Variants in NT5C2 observed in about 807,000 individuals in gnomAD.
NT5C2 encodes the protein 5'-nucleotidase, cytosolic II.
A neutral mutation model predicts 76.1 loss-of-function variants in NT5C2; 58 were observed. The ratio of observed to expected loss-of-function variants is 0.76; its 90% CI spans 0.62 to 0.95. NT5C2 has a LOEUF of 0.95. Among genes scored for constraint, NT5C2 ranks in the 40% least tolerant of loss-of-function variants. The probability of loss-of-function intolerance (pLI) is 0.00; values close to 1 mark genes in which losing one functional copy is unlikely to be tolerated. For missense variants in NT5C2, 478 were observed against 690.3 expected, an observed-to-expected ratio of 0.69 and a Z score of 3.45; for synonymous variants, 229 against 237.4, an observed-to-expected ratio of 0.96 and a Z score of 0.32.
intron 4 of NT5C2, among the ~76,000 whole-genome samples, chr10:103,130,053 G>A (rs1317726026): frequency 6.6e-6 from 1 of 151,862 alleles, no homozygotes; most frequent in Non-Finnish European, 1.5e-5. Flanking sequence ...TCTGGGAGGT[G>A]TGCCCAACAG....
At chr10:103,165,209 C>A (rs956149669) in intron 3 of NT5C2, among the ~76,000 whole-genome samples, 1 of 152,160 alleles carries the variant, frequency 6.6e-6, no homozygotes, top group African/African-American at 2.4e-5. Flanking sequence ...ATCCACCTGC[C>A]TCAGCCAGGC....
rs1008694564 is a variant in NT5C2, at chr10:103,188,980, C to A, written c.-169+4256G>T. Among the ~76,000 whole-genome samples the A allele has an allele frequency of 1.1e-4, 16 of 149,964 alleles. 1 individual carries two copies. The Admixed American group carries it at 1.1e-3, about 10-fold the overall frequency. On this transcript the variant is annotated intron_variant, in intron 1 of 18. Coordinates refer to ENST00000404739, the MANE Select transcript of NT5C2 (RefSeq NM_001351169.2). ...TGAGCTGAGATCGAGCCAGCCTGGG[C>A]AACAAAGTGAGACTCCGTCTCGGAA...
At chr10:103,129,073 G>T (rs1309998584) in intron 4 of NT5C2, among the ~76,000 whole-genome samples, 3 of 128,372 alleles carry the variant, frequency 2.3e-5, no homozygotes, top group African/African-American at 8.7e-5. Context: ...CGGGAGGGAG[G>T]TGGGGGGGTC....
intron 13 of NT5C2, 79 bp from the exon 14 acceptor site, chr10:103,094,117 AC>A: frequency 2.5e-5 from 14 of 569,730 alleles, no homozygotes; most frequent in Non-Finnish European, 3.0e-5. Flanking sequence ...CTCCCATCCC[AC>A]CCCCCACCAC....
intron 1 of NT5C2, among the ~76,000 whole-genome samples, chr10:103,185,301 TATA>T (rs2091864915): frequency 6.6e-6 from 1 of 151,698 alleles, no homozygotes; most frequent in African/African-American, 2.4e-5. Flanking sequence ...TCAGACGATA[TATA>T]ATACTTTGCA....
intron 4 of NT5C2, among the ~76,000 whole-genome samples, chr10:103,114,983 T>C (rs1478920585): frequency 6.6e-6 from 1 of 152,254 alleles, no homozygotes; most frequent in African/African-American, 2.4e-5. Flanking sequence ...ATTTGTCCTT[T>C]CCTCATTGGC....
chr10:103,170,723 C>T (rs1260322346), intron 3 of NT5C2, among the ~76,000 whole-genome samples: 1 of 151,464 alleles, frequency 6.6e-6, no homozygotes, highest in Non-Finnish European at 1.5e-5. Context: ...GACAGGGTTT[C>T]GCCATCTTGC....
intron 2 of NT5C2, chr10:103,175,777 GC>G (rs1364144587): frequency 7.9e-6 from 2 of 253,554 alleles, no homozygotes; most frequent in Admixed American, 4.2e-5. Context: ...GGGTGCTGAG[GC>G]CAAGGGGGCA....
At chr10:103,091,528 G>T in intron 16 of NT5C2, 36 bp downstream of exon 16, 1 of 1,511,180 alleles carries the variant, frequency 6.6e-7, no homozygotes, top group Non-Finnish European at 9.2e-7. Flanking sequence ...TGATTCCTGA[G>T]TAAGTTTTTG....
At chr10:103,099,673 A>AC (rs1452231460) in intron 9 of NT5C2, among the ~76,000 whole-genome samples, 1 of 152,152 alleles carries the variant, frequency 6.6e-6, no homozygotes, top group Non-Finnish European at 1.5e-5. Flanking sequence ...ATACACTAAA[A>AC]CCTCTTCTAA....
chr10:103,091,578 C>G lies in NT5C2; in HGVS notation c.1197G>C (p.Leu399Phe). 6.2e-7 allele frequency: 1 copy of G among 1,613,162 alleles called. No homozygotes were observed. Among genetic ancestry groups the G allele is most frequent in the Non-Finnish European group, 8.5e-7 (1 of 1,179,352 alleles). The change falls in exon 16 of 19, where the codon TTG becomes TTC. Residue 399 changes from leucine (L) to phenylalanine (F), a missense_variant. Leu to Phe is a conservative substitution (Grantham distance 22, BLOSUM62 0). Coordinates refer to ENST00000404739, the MANE Select transcript of NT5C2 (RefSeq NM_001351169.2). The stretch of plus-strand genomic sequence containing the variant: ...AGAAAACTTACTTGTAGAGTTCAGC[C>G]AAGAAAATATCCAAGCTCTGAAGTT... ...FEELQSLDIF[L>F]AELYKHLDSS...
At chr10:103,129,762 A>G (rs1306568132) in intron 4 of NT5C2, among the ~76,000 whole-genome samples, 9 of 90,674 alleles carry the variant, frequency 9.9e-5, no homozygotes, top group Admixed American at 1.1e-4. Context: ...TGGGGGTGTC[A>G]GCCCCCCGCC....
At chr10:103,100,153 C>T (rs1438168642) in intron 8 of NT5C2, 134 bp from the exon 9 acceptor site, 2 of 580,376 alleles carry the variant, frequency 3.4e-6, no homozygotes, top group Non-Finnish European at 6.1e-6. Flanking sequence ...AAAATAATTA[C>T]TCCCTAATGA....
intron 3 of NT5C2, among the ~76,000 whole-genome samples, chr10:103,170,526 C>CTTT (rs71019664): frequency 8.5e-5 from 10 of 117,758 alleles, no homozygotes; most frequent in Non-Finnish European, 1.7e-4. Flanking sequence ...CACATGCACA[C>CTTT]TTTTTTTTTT....
In NT5C2 at chr10:103,089,634, A is replaced by G. The variant is rs2066175726; in HGVS notation, c.*38T>C. On this transcript the variant is annotated 3_prime_UTR_variant, in exon 19 of 19. Transcript: ENST00000404739. ...GTTTGTTCCTGTGAGTCCTGCCAGG[A>G]CTTGTTTAATGGGTGCTTGGGGTTT... The G allele has an allele frequency of 6.5e-7, 1 of 1,542,688 alleles. No individual in the cohort carries two copies. Among genetic ancestry groups the G allele is most frequent in the African/African-American group, 1.4e-5 (1 of 72,738 alleles).
chr10:103,167,894 A>G (rs1025336631), intron 3 of NT5C2, among the ~76,000 whole-genome samples: 1 of 152,168 alleles, frequency 6.6e-6, no homozygotes, highest in African/African-American at 2.4e-5. Flanking sequence ...TGGGTCTCCC[A>G]AAGTGCTAGG....
Position 103,174,855 on chromosome 10 carries a change from T to A in NT5C2, c.101+3A>T. 1.3e-6 allele frequency: 2 copies of A among 1,598,854 alleles called. No individual in the cohort carries two copies. Among genetic ancestry groups the A allele is most frequent in the East Asian group, 4.5e-5 (2 of 44,780 alleles). The stretch of plus-strand genomic sequence containing the variant: ...TTGAGGATTAAATAGACAAAATACT[T>A]ACCGATGATAGGCTTCTCGACGATA... On this transcript the variant is annotated splice_donor_region_variant and intron_variant, in intron 3 of 18. Coordinates refer to ENST00000404739, the MANE Select transcript of NT5C2 (RefSeq NM_001351169.2).
intron 11 of NT5C2, among the ~76,000 whole-genome samples, 159 bp downstream of exon 11, chr10:103,097,132 C>T (rs1303685171): frequency 6.6e-6 from 1 of 152,106 alleles, no homozygotes; most frequent in Non-Finnish European, 1.5e-5. Flanking sequence ...AATTTGAGAA[C>T]CACTGTTATC....
intron 2 of NT5C2, among the ~76,000 whole-genome samples, chr10:103,180,120 T>C (rs943865964): frequency 1.1e-4 from 17 of 152,328 alleles, no homozygotes; most frequent in African/African-American, 3.8e-4. Flanking sequence ...CATCAAAGAA[T>C]ATATACAAAT....
Sources: allele counts gnomAD v4.1 joint callset (sites outside exome capture counted in the v4.1 genomes callset), GRCh38; gene constraint gnomAD v4.1.1; transcripts MANE v1.5; gene names NCBI Gene and HGNC (gene_info 2026-07-23, HGNC 2026-07-21).